The following ELL variants were observed in gnomAD, a reference collection of about 807,000 sequenced individuals.
The protein encoded by ELL is RNA polymerase II elongation factor ELL.
A neutral mutation model predicts 64.0 loss-of-function variants in ELL; 18 were observed. That is an observed-to-expected ratio of 0.28 (90% CI 0.19 to 0.42). The LOEUF (loss-of-function observed/expected upper bound fraction) is 0.42. Ranked by LOEUF, ELL falls within the 10% of genes least tolerant of loss-of-function variation. The pLI, the probability that ELL is intolerant of heterozygous loss-of-function variation, is 1.00. For synonymous variants in ELL, 399 were observed against 376.2 expected, an observed-to-expected ratio of 1.06 and a Z score of -0.70; for missense variants, 797 against 870.4, an observed-to-expected ratio of 0.92 and a Z score of 1.06.
Position 18,451,562 on chromosome 19 carries a change from G to A in ELL, c.956C>T (p.Ser319Leu), listed in dbSNP as rs868053773. 17 of 1,488,988 alleles carry A rather than the reference G, an allele frequency of 1.1e-5. No individual in the cohort carries two copies. The highest frequency in any genetic ancestry group is 2.6e-5 in the South Asian group (2 of 78,088). The allele number at this position is 1,488,988 out of a possible 1,614,324, so 92.2% of individuals were successfully genotyped here. ...GCATGCCTCACTTACCTGTGGGGGCGAGGCCGAGCGCCCACGCTCGCCTGG... is the reference window on the plus strand; with the variant it reads ...GCATGCCTCACTTACCTGTGGGGGCAAGGCCGAGCGCCCACGCTCGCCTGG... ...SPPGERGRSA[S>L]PPQKRLQPPD... The change falls in exon 7 of 12, where the codon TCG becomes TTG. Residue 319 changes from serine to leucine, a missense_variant. Transcript: ENST00000262809.
chr19:18,518,345 T>G (rs1226781650), intron 1 of ELL, among the ~76,000 whole-genome samples: 2 of 147,082 alleles, frequency 1.4e-5, no homozygotes, highest in Non-Finnish European at 3.0e-5. Context: ...ACAAAAAAAT[T>G]TAAAACTTAG....
intron 1 of ELL, among the ~76,000 whole-genome samples, chr19:18,518,612 A>G (rs1312191214): frequency 3.3e-5 from 5 of 151,770 alleles, no homozygotes; most frequent in Non-Finnish European, 1.5e-5. Flanking sequence ...ACCACATGGT[A>G]AAACCCCATC....
At chr19:18,451,049 G>C (rs1009033488) in intron 7 of ELL, 74 bp from the exon 8 acceptor site, 76 of 1,436,534 alleles carry the variant, frequency 5.3e-5, no homozygotes, top group Non-Finnish European at 6.5e-5. Flanking sequence ...CCCTGGCCTG[G>C]CTAGAAAACC....
chr19:18,458,800 A>AT (rs995948152), intron 5 of ELL, among the ~76,000 whole-genome samples: 1 of 151,652 alleles, frequency 6.6e-6, no homozygotes, highest in South Asian at 2.1e-4. Context: ...ACTCCAGCTA[A>AT]TTTTTTTTAA....
At chr19:18,497,622 C>T (rs1975684997) in intron 1 of ELL, among the ~76,000 whole-genome samples, 1 of 151,696 alleles carries the variant, frequency 6.6e-6, no homozygotes, top group South Asian at 2.1e-4. Flanking sequence ...AGTTTCAGAC[C>T]AGCCTGAGCA....
chr19:18,477,428 G>A (rs1423665543), intron 1 of ELL, among the ~76,000 whole-genome samples: 1 of 152,118 alleles, frequency 6.6e-6, no homozygotes, highest in Non-Finnish European at 1.5e-5. Context: ...AGAAAAGAGT[G>A]GCCAGAGATT....
chr19:18,507,614 A>T (rs1183362577), intron 1 of ELL, among the ~76,000 whole-genome samples: 3 of 152,176 alleles, frequency 2.0e-5, no homozygotes, highest in African/African-American at 7.2e-5. Context: ...TTGCTGGTTT[A>T]TGGTGCACCT....
chr19:18,495,602 T>C (rs368180049), intron 1 of ELL, among the ~76,000 whole-genome samples: 2 of 152,260 alleles, frequency 1.3e-5, no homozygotes, highest in African/African-American at 4.8e-5. Flanking sequence ...GCCGAGAGCC[T>C]GCGGAGACAG....
chr19:18,509,807 C>A, intron 1 of ELL, among the ~76,000 whole-genome samples: 1 of 151,978 alleles, frequency 6.6e-6, no homozygotes, highest in East Asian at 1.9e-4. Context: ...AGCAGCTGGA[C>A]CCCCCCGCCC....
At chr19:18,445,677 G>A (rs974687171) in intron 10 of ELL, among the ~76,000 whole-genome samples, 55 of 152,210 alleles carry the variant, frequency 3.6e-4, no homozygotes, top group Non-Finnish European at 8.8e-5. Flanking sequence ...GCCTTGGCCA[G>A]GAGAGACCCC....
At chr19:18,479,612 G>A (rs1033962924) in intron 1 of ELL, among the ~76,000 whole-genome samples, 5 of 151,462 alleles carry the variant, frequency 3.3e-5, no homozygotes, top group African/African-American at 1.2e-4. Flanking sequence ...GGGAGCCTGA[G>A]GCAGGAGAAC....
intron 10 of ELL, chr19:18,446,099 G>A: frequency 1.6e-6 from 1 of 613,048 alleles, no homozygotes; most frequent in South Asian, 2.2e-5. Context: ...AGGCTGACAA[G>A]CTGGGCTGCC....
In ELL at chr19:18,446,457, G is replaced by C. The variant is rs574270231; in HGVS notation, c.1556C>G (p.Ser519Trp). Residue 519 changes from serine (S) to tryptophan (W), a missense_variant, in exon 10 of 12, where the codon TCG (serine) becomes TGG (tryptophan). By Grantham distance (177) the Ser-to-Trp change is radical. Coordinates refer to ENST00000262809, the MANE Select transcript of ELL (RefSeq NM_006532.4). ...GTTCTTGTAGCTCTGGCGCTGCTCC[G>C]AAGAGGAGATGGCTGCGTACTTCCT... ...YLLKYAAISS[S>W]EQRQSYKNDF... 6.2e-7 allele frequency: 1 copy of C among 1,612,648 alleles called. No individual in the cohort carries two copies. Among genetic ancestry groups the C allele is most frequent in the Non-Finnish European group, 8.5e-7 (1 of 1,179,896 alleles).
intron 7 of ELL, among the ~76,000 whole-genome samples, chr19:18,451,304 C>T (rs1405925118): frequency 6.6e-6 from 1 of 152,206 alleles, no homozygotes; most frequent in Non-Finnish European, 1.5e-5. Flanking sequence ...GTTGAGCCCA[C>T]ATCAGGGAGC....
At chr19:18,513,717 G>A (rs1199488018) in intron 1 of ELL, among the ~76,000 whole-genome samples, 1 of 152,130 alleles carries the variant, frequency 6.6e-6, no homozygotes, top group African/African-American at 2.4e-5. Flanking sequence ...GGATCACAAG[G>A]TCAGGAGATG....
At chr19:18,487,632 G>T (rs1170575031) in intron 1 of ELL, among the ~76,000 whole-genome samples, 1 of 152,198 alleles carries the variant, frequency 6.6e-6, no homozygotes, top group African/African-American at 2.4e-5. Context: ...TTCCACTGAG[G>T]AACATCTCTG....
At chr19:18,506,575 A>C (rs77629480) in intron 1 of ELL, among the ~76,000 whole-genome samples, 4,033 of 152,314 alleles carry the variant, frequency 0.026, 82 homozygotes, top group Middle Eastern at 0.058. Context: ...TAAATAAAAA[A>C]TTAGCCAGGT....
chr19:18,520,474 G>A (rs1976241075), intron 1 of ELL, among the ~76,000 whole-genome samples: 3 of 151,958 alleles, frequency 2.0e-5, no homozygotes, highest in Non-Finnish European at 4.4e-5. Flanking sequence ...GTGCGAACTT[G>A]CTCTTTCAAA....
chr19:18,516,549 G>A (rs919635791), intron 1 of ELL, among the ~76,000 whole-genome samples: 5 of 133,976 alleles, frequency 3.7e-5, no homozygotes, highest in Admixed American at 3.6e-4. Context: ...CTCAATCACT[G>A]GTGGGTATCC....
Sources: allele counts gnomAD v4.1 joint callset (sites outside exome capture counted in the v4.1 genomes callset), GRCh38; gene constraint gnomAD v4.1.1; transcripts MANE v1.5; gene names NCBI Gene and HGNC (gene_info 2026-07-23, HGNC 2026-07-21).